The following KDM4C variants were observed in gnomAD, a reference collection of about 807,000 sequenced individuals.
KDM4C encodes lysine demethylase 4C.
KDM4C carries 81 observed loss-of-function variants against 129.3 expected under a neutral mutation model. The ratio of observed to expected loss-of-function variants is 0.63; its 90% confidence interval spans 0.52 to 0.75. The LOEUF is 0.75. Among genes scored for constraint, KDM4C ranks in the 30% least tolerant of loss-of-function variants. KDM4C has a pLI of 0.00. For synonymous variants in KDM4C, 573 were observed against 456.1 expected (o/e 1.26, Z -3.26); for missense variants, 1,457 against 1,304.0 (o/e 1.12, Z -1.81).
intron 12 of KDM4C, among the ~76,000 whole-genome samples, chr9:6,995,346 G>C (rs1029050119): frequency 6.6e-6 from 1 of 151,642 alleles, no homozygotes; most frequent in Non-Finnish European, 1.5e-5. Context: ...CAGACACACA[G>C]GCACAGACAC....
At chr9:7,050,580 A>G (rs1297759945) in intron 17 of KDM4C, among the ~76,000 whole-genome samples, 1 of 152,190 alleles carries the variant, frequency 6.6e-6, no homozygotes, top group Non-Finnish European at 1.5e-5. Context: ...AACAAATGTT[A>G]ACATTTTAAT....
At chr9:7,061,222 T>A (rs1446982097) in intron 17 of KDM4C, among the ~76,000 whole-genome samples, 3 of 152,144 alleles carry the variant, frequency 2.0e-5, no homozygotes, top group African/African-American at 7.2e-5. Context: ...TAATTGAGGG[T>A]TTATGTTATT....
chr9:6,858,286 C>G (rs571946008), intron 5 of KDM4C, among the ~76,000 whole-genome samples: 2 of 152,030 alleles, frequency 1.3e-5, no homozygotes, highest in East Asian at 3.9e-4. Context: ...TCAGTAAGGG[C>G]GTGTAAATTC....
At chr9:7,171,425 G>A (rs572752687) in intron 21 of KDM4C, among the ~76,000 whole-genome samples, 24 of 152,218 alleles carry the variant, frequency 1.6e-4, no homozygotes, top group African/African-American at 5.1e-4. Context: ...AGATAGCTTC[G>A]TCTCGTTCTG....
intron 17 of KDM4C, among the ~76,000 whole-genome samples, chr9:7,063,745 T>C (rs1043450600): frequency 2.0e-5 from 3 of 152,200 alleles, no homozygotes; most frequent in African/African-American, 7.2e-5. Flanking sequence ...AGAAAAACTT[T>C]CTGGAAGAAA....
chr9:6,918,307 A>G, intron 8 of KDM4C, among the ~76,000 whole-genome samples: 1 of 152,206 alleles, frequency 6.6e-6, no homozygotes, highest in East Asian at 1.9e-4. Flanking sequence ...TTTTCTTAGG[A>G]TAACGGCCTC....
intron 8 of KDM4C, among the ~76,000 whole-genome samples, chr9:6,956,327 C>T (rs146764838): frequency 2.8e-4 from 42 of 152,260 alleles, no homozygotes; most frequent in African/African-American, 1.0e-3. Flanking sequence ...GCTTATTTCA[C>T]ATTGCATGCT....
intron 4 of KDM4C, chr9:6,818,863 T>C (rs751081728): frequency 6.6e-6 from 1 of 152,198 alleles, no homozygotes; most frequent in Non-Finnish European, 1.5e-5. Context: ...GTCAGTCTCA[T>C]AGTTGTGGAA....
chr9:6,843,331 T>A (rs1213073170), intron 4 of KDM4C, among the ~76,000 whole-genome samples: 1 of 152,216 alleles, frequency 6.6e-6, no homozygotes, highest in Admixed American at 6.5e-5. Context: ...GTCTGAACCC[T>A]CTCCCCATCT....
At chr9:7,164,693 C>T (rs1435141265) in intron 19 of KDM4C, among the ~76,000 whole-genome samples, 2 of 152,188 alleles carry the variant, frequency 1.3e-5, no homozygotes, top group East Asian at 1.9e-4. Context: ...TCCCCTGCTC[C>T]ACTTCCACCT....
At chr9:6,827,857 A>G (rs946905368) in intron 4 of KDM4C, among the ~76,000 whole-genome samples, 2 of 152,218 alleles carry the variant, frequency 1.3e-5, no homozygotes, top group Non-Finnish European at 2.9e-5. Context: ...TTTATCTGCT[A>G]GCATGTTATG....
intron 7 of KDM4C, among the ~76,000 whole-genome samples, chr9:6,888,364 C>T (rs62535691): frequency 0.24 from 36,078 of 152,052 alleles, 5,163 homozygotes; most frequent in Non-Finnish European, 0.33. Flanking sequence ...TTATGAGTAA[C>T]ATAATTTATG....
intron 8 of KDM4C, among the ~76,000 whole-genome samples, chr9:6,929,755 A>G (rs893903957): frequency 3.9e-5 from 6 of 152,138 alleles, no homozygotes; most frequent in African/African-American, 1.4e-4. Context: ...GTGCAAGCAG[A>G]AAGGATACTT....
At chr9:7,105,338 A>G in intron 18 of KDM4C, 1 of 431,374 alleles carries the variant, frequency 2.3e-6, no homozygotes, top group Non-Finnish European at 4.9e-6. Flanking sequence ...GCAAGTTCTT[A>G]TTTCTGAGCC....
At chr9:7,094,744 T>G (rs1320478294) in intron 17 of KDM4C, among the ~76,000 whole-genome samples, 1 of 152,244 alleles carries the variant, frequency 6.6e-6, no homozygotes, top group Non-Finnish European at 1.5e-5. Flanking sequence ...TAGCTTTTCA[T>G]CACTGTTTCC....
At chr9:7,122,241 A>C (rs1032670487) in intron 18 of KDM4C, among the ~76,000 whole-genome samples, 1 of 102,572 alleles carries the variant, frequency 9.7e-6, no homozygotes. Flanking sequence ...GGGAGATGCC[A>C]CACACACACA....
intron 2 of KDM4C, among the ~76,000 whole-genome samples, chr9:6,800,597 T>C (rs144780228): frequency 8.2e-4 from 122 of 148,822 alleles, no homozygotes; most frequent in East Asian, 7.7e-4. Flanking sequence ...TGAATGTATA[T>C]CTATCTATTT....
chr9:6,774,424 G>C (rs1822567785), intron 1 of KDM4C, among the ~76,000 whole-genome samples: 1 of 152,126 alleles, frequency 6.6e-6, no homozygotes, highest in African/African-American at 2.4e-5. Flanking sequence ...CAGCACTTTG[G>C]GAGGCCGAGG....
chr9:6,797,935 A>G (rs570804293), intron 2 of KDM4C, among the ~76,000 whole-genome samples: 1 of 152,326 alleles, frequency 6.6e-6, no homozygotes, highest in East Asian at 1.9e-4. Flanking sequence ...TTCAGAAGGA[A>G]TGGCTTTCCC....
Sources: allele counts gnomAD v4.1 joint callset (sites outside exome capture counted in the v4.1 genomes callset), GRCh38; gene constraint gnomAD v4.1.1; transcripts MANE v1.5; gene names NCBI Gene and HGNC (gene_info 2026-07-23, HGNC 2026-07-21).